CALD1: variants seen among roughly 807,000 people sequenced by gnomAD.
CALD1 encodes caldesmon.
Under a neutral mutation model 99.9 loss-of-function variants are expected in CALD1, and 33 were observed. The ratio of observed to expected loss-of-function variants is 0.33; its 90% CI spans 0.25 to 0.44. The LOEUF is 0.44. Ranked by LOEUF, CALD1 falls within the 20% of genes least tolerant of loss-of-function variation. The probability of loss-of-function intolerance (pLI) is 1.00; values close to 1 mark genes in which losing one functional copy is unlikely to be tolerated. For missense variants in CALD1, 861 were observed against 962.1 expected (o/e 0.89, Z 1.39); for synonymous variants, 310 against 325.0 (o/e 0.95, Z 0.50).
rs1388560969 is a variant in CALD1 at position 134,790,118 on chromosome 7, A to C, written c.-130+10369A>C. ...GAGAGAGAGAGAGAAAGGAGAGGAC[A>C]GAGAGGGAGGAAGGGAAAAGGGGGA... is the stretch of plus-strand genomic sequence containing the variant. On this transcript the variant is annotated intron_variant, in intron 1 of 14. Coordinates refer to ENST00000361675, the MANE Select transcript of CALD1 (RefSeq NM_033138.4). Among the ~76,000 whole-genome samples, 3 of 151,264 alleles carry C rather than the reference A, an allele frequency of 2.0e-5. No homozygotes were observed. The East Asian group carries it at 5.8e-4, about 29-fold the overall frequency.
At chr7:134,932,759 C>A (rs1805619521) in intron 4 of CALD1, among the ~76,000 whole-genome samples, 1 of 152,146 alleles carries the variant, frequency 6.6e-6, no homozygotes, top group South Asian at 2.1e-4. Flanking sequence ...GACATTAATA[C>A]CGAAAGCACT....
At chr7:134,822,555 T>TA (rs1056303037) in intron 1 of CALD1, among the ~76,000 whole-genome samples, 7 of 152,172 alleles carry the variant, frequency 4.6e-5, no homozygotes, top group Non-Finnish European at 8.8e-5. Flanking sequence ...ATGCATTTGT[T>TA]AAAAAAATAC....
intron 1 of CALD1, among the ~76,000 whole-genome samples, chr7:134,816,287 G>T (rs1563021064): frequency 6.6e-6 from 1 of 152,150 alleles, no homozygotes; most frequent in East Asian, 1.9e-4. Flanking sequence ...CCCTAGCACT[G>T]CATCAAGTAA....
In CALD1 at chr7:134,933,520, A is replaced by G. The variant is rs747235633; in HGVS notation, c.751A>G (p.Ile251Val). The part of the protein sequence containing the change: ...EEEREQGSDE[I>V]SHHEKMEEED... ...GGAGAGGGAACAAGGTTCAGATGAG[A>G]TTTCCCATCATGAAAAGATGGAAGA... Residue 251 changes from isoleucine to valine, a missense_variant, in exon 5 of 15, where the codon ATT becomes GTT. Ile to Val is a conservative substitution (Grantham distance 29). This residue lies in a region of CALD1 where 234 missense variants were observed against 233.1 expected (regional missense o/e 1.00). Coordinates refer to ENST00000361675, the MANE Select transcript of CALD1 (RefSeq NM_033138.4). 1 of 1,614,016 alleles carries G rather than the reference A, an allele frequency of 6.2e-7. No individual in the cohort carries two copies. Among genetic ancestry groups the G allele is most frequent in the South Asian group, 1.1e-5 (1 of 91,032 alleles).
rs573329522 is a variant in CALD1 at position 134,822,158 on chromosome 7, C to CAGGT, written c.-129-21725_-129-21722dup. On this transcript the variant is annotated intron_variant, in intron 1 of 14. Transcript: ENST00000361675. Reference sequence around the variant, plus strand: ...CTTGGAGACAGTGCCAACCCTTGGACAGGTCTATATTATCTTGGGCACGAG... The same window carrying CAGGT: ...CTTGGAGACAGTGCCAACCCTTGGACAGGTAGGTCTATATTATCTTGGGCACGAG... 2.6e-5 allele frequency: 4 copies of CAGGT among 152,276 alleles called. No individual in the cohort carries two copies. The South Asian group carries it at 8.3e-4, about 32-fold the overall frequency. 9.4% of individuals were successfully genotyped at this position (152,276 alleles called of 1,614,324 possible). A position where few individuals can be genotyped will look rare whatever the true frequency, so the allele number is the denominator to read the frequency against.
chr7:134,826,170 T>G (rs759626034), intron 1 of CALD1, among the ~76,000 whole-genome samples: 1 of 152,196 alleles, frequency 6.6e-6, no homozygotes, highest in African/African-American at 2.4e-5. Flanking sequence ...AATTTTATTA[T>G]TCTATTGTCT....
intron 3 of CALD1, among the ~76,000 whole-genome samples, chr7:134,894,418 T>G (rs1001388771): frequency 6.6e-6 from 1 of 152,256 alleles, no homozygotes; most frequent in Admixed American, 6.5e-5. Flanking sequence ...AAATATTCTT[T>G]AAGTTTCCTA....
Position 134,937,648 on chromosome 7 carries a change from AAAG to A in CALD1, c.1386+1892_1386+1894del, listed in dbSNP as rs1413473421. Among the ~76,000 whole-genome samples the A allele has an allele frequency of 1.5e-4, 23 of 151,340 alleles. No homozygotes were observed. The East Asian group carries it at 2.1e-3, about 14-fold the overall frequency. On this transcript the variant is annotated intron_variant, in intron 6 of 14. Coordinates refer to ENST00000361675, the MANE Select transcript of CALD1 (RefSeq NM_033138.4). Reference sequence around the variant, plus strand: ...TTTCCTTTTTGTACAAAAAAAAAAAAAAGAAGAAGAAAGAAAGCAACTAACTAA... The same window carrying A: ...TTTCCTTTTTGTACAAAAAAAAAAAAAAGAAGAAAGAAAGCAACTAACTAA...
rs563499445 is a variant in CALD1 at position 134,852,164 on chromosome 7, G to A, written c.-42+8193G>A. On this transcript the variant is annotated intron_variant, in intron 2 of 14. Transcript: ENST00000361675. Reference sequence around the variant, plus strand: ...AAGAACAAGGCCAATAATTGCTGTAGAAGCTGAAAGGGAGGGTGGTTCTGG... The same window carrying A: ...AAGAACAAGGCCAATAATTGCTGTAAAAGCTGAAAGGGAGGGTGGTTCTGG... 2.0e-5 allele frequency among the ~76,000 whole-genome samples: 3 copies of A among 152,272 alleles called. No homozygotes were observed. In the South Asian group the frequency reaches 6.2e-4, roughly 32 times the overall value.
intron 1 of CALD1, among the ~76,000 whole-genome samples, chr7:134,802,576 T>G (rs1377475901): frequency 6.6e-6 from 1 of 152,236 alleles, no homozygotes; most frequent in Non-Finnish European, 1.5e-5. Flanking sequence ...TATTGTAAGT[T>G]GAAAATATTT....
chr7:134,728,595 G>C, the CALD1 span, among the ~76,000 whole-genome samples: 1 of 152,182 alleles, frequency 6.6e-6, no homozygotes, highest in Admixed American at 6.5e-5. Flanking sequence ...GGCTAAACCT[G>C]ATTGAACAGA....
intron 1 of CALD1, among the ~76,000 whole-genome samples, chr7:134,757,151 T>C (rs1340895901): frequency 6.6e-6 from 1 of 152,170 alleles, no homozygotes; most frequent in Non-Finnish European, 1.5e-5. Context: ...TTATTGGCTA[T>C]CAAATAAACC....
chr7:134,746,242 G>A (rs924594138), intron 1 of CALD1, among the ~76,000 whole-genome samples: 2 of 152,198 alleles, frequency 1.3e-5, no homozygotes, highest in Non-Finnish European at 2.9e-5. Context: ...CCTCATGAAT[G>A]GGAATGGGCT....
intron 3 of CALD1, among the ~76,000 whole-genome samples, chr7:134,873,166 G>A (rs917591378): frequency 6.6e-6 from 1 of 151,510 alleles, no homozygotes; most frequent in Admixed American, 6.6e-5. Flanking sequence ...CAAGCTGGGC[G>A]ACAGAGCAAA....
chr7:134,933,545 A>T lies in CALD1; in HGVS notation c.776A>T (p.Glu259Val). 6.2e-7 allele frequency: 1 copy of T among 1,613,896 alleles called. No homozygotes were observed. Among genetic ancestry groups the T allele is most frequent in the Non-Finnish European group, 8.5e-7 (1 of 1,179,896 alleles). ...DEISHHEKMEEEDKERAEAER... is the reference protein window; with the variant it reads ...DEISHHEKMEVEDKERAEAER... Reference sequence around the variant, plus strand: ...ATTTCCCATCATGAAAAGATGGAAGAGGAAGACAAGGAAAGAGCTGAGGCA... The same window carrying T: ...ATTTCCCATCATGAAAAGATGGAAGTGGAAGACAAGGAAAGAGCTGAGGCA... Residue 259 changes from glutamate (E) to valine (V), a missense_variant, in exon 5 of 15, where the codon GAG becomes GTG. Glu to Val is a moderately radical substitution (Grantham distance 121). Transcript: ENST00000361675.
chr7:134,916,418 A>G (rs1586295859), intron 3 of CALD1, among the ~76,000 whole-genome samples: 1 of 152,218 alleles, frequency 6.6e-6, no homozygotes, highest in African/African-American at 2.4e-5. Flanking sequence ...ATCTTTTTCC[A>G]ATTAAGAAAA....
At chr7:134,862,409 G>A (rs149212923) in intron 2 of CALD1, among the ~76,000 whole-genome samples, 8 of 152,304 alleles carry the variant, frequency 5.3e-5, no homozygotes, top group Non-Finnish European at 8.8e-5. Flanking sequence ...TATCAGCCAT[G>A]AAAAGACTTG....
At chr7:134,946,982 C>T (rs1464895134) in intron 7 of CALD1, among the ~76,000 whole-genome samples, 7 of 152,128 alleles carry the variant, frequency 4.6e-5, no homozygotes, top group Non-Finnish European at 1.0e-4. Context: ...CCACTGCACC[C>T]GGCCTCTCCT....
chr7:134,855,390 A>G (rs1800255382), intron 2 of CALD1, among the ~76,000 whole-genome samples: 1 of 152,200 alleles, frequency 6.6e-6, no homozygotes, highest in Non-Finnish European at 1.5e-5. Flanking sequence ...AATGGGAATG[A>G]TATGTGCATT....
Sources: allele counts gnomAD v4.1 joint callset (sites outside exome capture counted in the v4.1 genomes callset), GRCh38; gene constraint gnomAD v4.1.1; regional missense constraint gnomAD v4.1.1; transcripts MANE v1.5; gene names NCBI Gene and HGNC (gene_info 2026-07-23, HGNC 2026-07-21).